The following HDX variants were observed in gnomAD, a reference collection of about 807,000 sequenced individuals.
HDX encodes highly divergent homeobox.
In HDX, 19 loss-of-function variants were observed where a neutral mutation model predicts 45.2. The observed-to-expected ratio is 0.42, with a 90% CI of 0.29 to 0.62. HDX has a LOEUF of 0.62. Among genes scored for constraint, HDX ranks in the 20% least tolerant of loss-of-function variants. The pLI is 0.20. For missense variants in HDX, 532 were observed against 493.9 expected (o/e 1.08, Z -0.73); for synonymous variants, 188 against 172.8 (o/e 1.09, Z -0.69).
At chrX:84,501,924 C>A (rs1012073399) in intron 1 of HDX, among the ~76,000 whole-genome samples, 6 of 111,804 alleles carry the variant, frequency 5.4e-5, no homozygotes, top group Non-Finnish European at 1.1e-4. Flanking sequence ...GCAGGCGCTA[C>A]GCTCTCAGTG....
intron 5 of HDX, among the ~76,000 whole-genome samples, chrX:84,362,480 G>T (rs1478252386): frequency 1.8e-5 from 2 of 110,376 alleles, no homozygotes; most frequent in Non-Finnish European, 3.8e-5. Context: ...ATTTTCAGAG[G>T]TGGTGGAAAA....
intron 1 of HDX, among the ~76,000 whole-genome samples, chrX:84,493,281 C>T (rs1476627091): frequency 1.8e-5 from 2 of 111,960 alleles, no homozygotes; most frequent in Non-Finnish European, 3.8e-5. Context: ...GTATTGTACA[C>T]ATCTCTTATC....
At chrX:84,406,740 T>G (rs2038839302) in intron 5 of HDX, among the ~76,000 whole-genome samples, 1 of 111,237 alleles carries the variant, frequency 9.0e-6, no homozygotes, top group Admixed American at 9.6e-5. Context: ...TCTGCAATTT[T>G]ATTTTAGTCT....
At chrX:84,425,664 A>T (rs775235760) in intron 5 of HDX, among the ~76,000 whole-genome samples, 4 of 111,833 alleles carry the variant, frequency 3.6e-5, no homozygotes, top group African/African-American at 1.3e-4. Flanking sequence ...AACAACATGG[A>T]TGGAACTGGA....
At chrX:84,453,155 A>C (rs1299269516) in intron 4 of HDX, among the ~76,000 whole-genome samples, 1 of 112,461 alleles carries the variant, frequency 8.9e-6, no homozygotes. Flanking sequence ...AATTAGAGAA[A>C]GGCAGTGCAA....
intron 2 of HDX, 46 bp downstream of exon 2, chrX:84,487,978 T>C (rs1440327709): frequency 1.8e-5 from 2 of 111,754 alleles, no homozygotes; most frequent in Non-Finnish European, 3.8e-5. Flanking sequence ...GGATCCAGCC[T>C]TGGGTCAAAG....
chrX:84,478,679 C>T (rs1205389711), intron 2 of HDX, among the ~76,000 whole-genome samples: 1 of 110,227 alleles, frequency 9.1e-6, no homozygotes. Flanking sequence ...CATGGTGAGA[C>T]CCCACCTCTA....
intron 5 of HDX, among the ~76,000 whole-genome samples, chrX:84,428,334 C>T (rs1054506527): frequency 9.0e-6 from 1 of 110,614 alleles, no homozygotes; most frequent in Non-Finnish European, 1.9e-5. Context: ...TTTTTAATAA[C>T]TTTATTGAGT....
chrX:84,475,175 A>T (rs1406337905), intron 3 of HDX, 76 bp downstream of exon 3: 3 of 875,625 alleles, frequency 3.4e-6, no homozygotes, highest in African/African-American at 4.1e-5. Flanking sequence ...CATACCCTGA[A>T]TATTTTTTCT....
At chrX:84,439,069 T>C (rs927596063) in intron 5 of HDX, among the ~76,000 whole-genome samples, 2 of 111,886 alleles carry the variant, frequency 1.8e-5, no homozygotes, top group African/African-American at 3.2e-5. Context: ...GTTTTGTTTT[T>C]TTGTTTTGCC....
chrX:84,358,704 T>A (rs892362675), intron 6 of HDX, among the ~76,000 whole-genome samples: 11 of 112,011 alleles, frequency 9.8e-5, no homozygotes, highest in Admixed American at 6.6e-4. Context: ...TACTCAAAAA[T>A]TCTCTCTATA....
chrX:84,486,946 GTCC>G (rs1316294526), intron 2 of HDX, among the ~76,000 whole-genome samples: 1 of 110,904 alleles, frequency 9.0e-6, no homozygotes, highest in African/African-American at 3.3e-5. Flanking sequence ...TCTCTCTCCT[GTCC>G]TCCTGGGATT....
At chrX:84,369,224 C>A (rs2037835657) in intron 5 of HDX, among the ~76,000 whole-genome samples, 1 of 112,122 alleles carries the variant, frequency 8.9e-6, no homozygotes, top group South Asian at 3.7e-4. Flanking sequence ...CAAAGTTTAT[C>A]TATGTCACAG....
chrX:84,372,136 T>A (rs1487786854), intron 5 of HDX, among the ~76,000 whole-genome samples: 1 of 110,568 alleles, frequency 9.0e-6, no homozygotes, highest in Non-Finnish European at 1.9e-5. Context: ...GAAGTGGGAG[T>A]CAAAGAATTA....
At position 84,468,562 on chromosome X, in the gene HDX, G is replaced by A. The variant is rs369926630; in HGVS notation, c.1161C>T (p.Tyr387=). 83 of 1,187,017 alleles carry A rather than the reference G, an allele frequency of 7.0e-5. No homozygotes were observed. Among genetic ancestry groups the A allele is most frequent in the Non-Finnish European group, 8.6e-5 (75 of 874,310 alleles). Reference sequence around the variant, plus strand: ...TACTCCGTAATGGATTGGTATTACTGTACATTGTACTAGATGCTGTATGTA... The same window carrying A: ...TACTCCGTAATGGATTGGTATTACTATACATTGTACTAGATGCTGTATGTA... ...TSLHTASSTM[Y]SNTNPLRSNF... The change falls in exon 4 of 11, where the codon TAC becomes TAT. Residue 387 remains tyrosine (Y), a synonymous_variant. Coordinates refer to ENST00000373177, the MANE Select transcript of HDX (RefSeq NM_001177479.2).
chrX:84,424,558 T>G (rs2039343250), intron 5 of HDX, among the ~76,000 whole-genome samples: 1 of 111,235 alleles, frequency 9.0e-6, no homozygotes, highest in Non-Finnish European at 1.9e-5. Flanking sequence ...TGACTTCAAA[T>G]TATACTACAG....
chrX:84,348,604 A>G (rs897278898), intron 6 of HDX, among the ~76,000 whole-genome samples: 2 of 111,752 alleles, frequency 1.8e-5, no homozygotes, highest in African/African-American at 6.5e-5. Flanking sequence ...TAAAAGAACT[A>G]AAAGAACTAG....
At chrX:84,449,027 T>G (rs1285377048) in intron 4 of HDX, among the ~76,000 whole-genome samples, 5 of 107,345 alleles carry the variant, frequency 4.7e-5, no homozygotes, top group African/African-American at 1.7e-4. Flanking sequence ...ATAAAAAATA[T>G]ATTCAAACTT....
intron 5 of HDX, among the ~76,000 whole-genome samples, chrX:84,427,238 T>A (rs2148026585): frequency 9.0e-6 from 1 of 111,192 alleles, no homozygotes; most frequent in Non-Finnish European, 1.9e-5. Context: ...AGATTTACAG[T>A]TCAAGAAGTA....
Sources: gnomAD v4.1 joint callset for allele counts (sites outside exome capture counted in the v4.1 genomes callset) on GRCh38, gnomAD v4.1.1 for gene constraint, MANE v1.5 for transcripts, NCBI Gene and HGNC (gene_info 2026-07-23, HGNC 2026-07-21) for gene names.